Variants in AFG2A observed in about 807,000 individuals in gnomAD.
The protein encoded by AFG2A is ATPase family gene 2 protein homolog A.
chr4:122,940,680 T>C, the AFG2A span, among the ~76,000 whole-genome samples: 50 of 152,294 alleles, frequency 3.3e-4, no homozygotes, highest in Non-Finnish European at 6.2e-4. Context: ...CCATTGCTTT[T>C]GGTGTTTTAG....
the AFG2A span, among the ~76,000 whole-genome samples, chr4:123,119,643 T>C: frequency 6.6e-5 from 10 of 152,200 alleles, no homozygotes; most frequent in Non-Finnish European, 1.3e-4. Flanking sequence ...TGCTGCAACT[T>C]ACAGAGCTTT....
chr4:122,982,622 T>G, the AFG2A span, among the ~76,000 whole-genome samples: 2 of 152,174 alleles, frequency 1.3e-5, no homozygotes, highest in African/African-American at 4.8e-5. Context: ...TCTTGGAGTT[T>G]TCTTTGTTAG....
the AFG2A span, among the ~76,000 whole-genome samples, chr4:123,260,882 C>T: frequency 1.2e-4 from 19 of 152,336 alleles, no homozygotes; most frequent in Admixed American, 8.5e-4. Flanking sequence ...CTCCTGGCCA[C>T]GGACCAGCAC....
At chr4:123,184,532 C>CTTTTTTT in the AFG2A span, among the ~76,000 whole-genome samples, 992 of 89,240 alleles carry the variant, frequency 0.011, 122 homozygotes, top group African/African-American at 0.034. Context: ...ATGATCATTT[C>CTTTTTTT]TTTTTTTTTT....
the AFG2A span, among the ~76,000 whole-genome samples, chr4:123,235,992 T>C: frequency 2.6e-5 from 4 of 152,184 alleles, no homozygotes; most frequent in Non-Finnish European, 5.9e-5. Flanking sequence ...TAACTCAAAA[T>C]GAACTTCTTT....
At chr4:123,063,717 G>C in the AFG2A span, among the ~76,000 whole-genome samples, 1 of 151,914 alleles carries the variant, frequency 6.6e-6, no homozygotes, top group Non-Finnish European at 1.5e-5. Flanking sequence ...CTGCACTCCA[G>C]CCTGGGTGAC....
At chr4:123,101,659 C>T in the AFG2A span, among the ~76,000 whole-genome samples, 1 of 151,770 alleles carries the variant, frequency 6.6e-6, no homozygotes, top group South Asian at 2.1e-4. Flanking sequence ...GAACTTTTTG[C>T]TTATAGTGCT....
chr4:122,981,532 AG>A, the AFG2A span, among the ~76,000 whole-genome samples: 5 of 135,286 alleles, frequency 3.7e-5, no homozygotes, highest in Non-Finnish European at 6.3e-5. Flanking sequence ...TATGAATTTT[AG>A]GGTTGCTTTT....
chr4:123,308,560 C>A, the AFG2A span, among the ~76,000 whole-genome samples: 1 of 152,098 alleles, frequency 6.6e-6, no homozygotes, highest in African/African-American at 2.4e-5. Flanking sequence ...GTTGTGCACT[C>A]CTTATGAGAG....
the AFG2A span, among the ~76,000 whole-genome samples, chr4:123,121,526 A>G: frequency 6.6e-6 from 1 of 152,190 alleles, no homozygotes; most frequent in Non-Finnish European, 1.5e-5. Flanking sequence ...AATCTCTTAT[A>G]CATTATTTTT....
At chr4:123,069,099 G>T in the AFG2A span, among the ~76,000 whole-genome samples, 451 of 152,236 alleles carry the variant, frequency 3.0e-3, 1 homozygote, top group South Asian at 9.8e-3. Context: ...ATACAGAAAT[G>T]ATAGATATTC....
the AFG2A span, among the ~76,000 whole-genome samples, chr4:123,246,326 T>G: frequency 2.3e-3 from 350 of 152,298 alleles, 2 homozygotes; most frequent in Non-Finnish European, 3.9e-3. Context: ...GCCTCGAAAT[T>G]GTATTAGTTG....
chr4:123,005,478 C>G, the AFG2A span, among the ~76,000 whole-genome samples: 1 of 152,052 alleles, frequency 6.6e-6, no homozygotes, highest in South Asian at 2.1e-4. Context: ...TTTCTGTTTT[C>G]TATTTTATTT....
chr4:123,081,597 G>A, the AFG2A span, among the ~76,000 whole-genome samples: 3 of 152,168 alleles, frequency 2.0e-5, no homozygotes, highest in African/African-American at 7.2e-5. Flanking sequence ...GGGAACATCT[G>A]TGTGCAAGTT....
the AFG2A span, among the ~76,000 whole-genome samples, chr4:123,065,557 A>G: frequency 1.3e-5 from 2 of 152,172 alleles, no homozygotes; most frequent in Non-Finnish European, 2.9e-5. Context: ...AGGTTGAAAT[A>G]TAGTAATTGA....
chr4:122,973,114 G>T, the AFG2A span, among the ~76,000 whole-genome samples: 1 of 151,970 alleles, frequency 6.6e-6, no homozygotes, highest in Non-Finnish European at 1.5e-5. Flanking sequence ...TTAGAATTTT[G>T]TATATTCTTG....
chr4:122,937,496 A>G, the AFG2A span, among the ~76,000 whole-genome samples: 1 of 152,172 alleles, frequency 6.6e-6, no homozygotes, highest in African/African-American at 2.4e-5. Context: ...CTGCTCTTGA[A>G]TCAGAAAACC....
the AFG2A span, among the ~76,000 whole-genome samples, chr4:123,067,586 A>C: frequency 4.1e-5 from 5 of 122,226 alleles, no homozygotes. Flanking sequence ...ACTTGTTATG[A>C]TATTTAAAAT....
chr4:123,306,186 G>T, the AFG2A span, among the ~76,000 whole-genome samples: 1 of 152,136 alleles, frequency 6.6e-6, no homozygotes, highest in South Asian at 2.1e-4. Flanking sequence ...TTCAGTGTCT[G>T]TGAGGATTTC....
Sources: allele counts gnomAD v4.1 joint callset (sites outside exome capture counted in the v4.1 genomes callset), GRCh38; gene constraint gnomAD v4.1.1; transcripts MANE v1.5; gene names NCBI Gene and HGNC (gene_info 2026-07-23, HGNC 2026-07-21).